The following HMGCLL1 variants were observed in gnomAD, a reference collection of about 807,000 sequenced individuals.
HMGCLL1 encodes 3-hydroxy-3-methylglutaryl-CoA lyase like 1, also known as 3-hydroxymethyl-3-methylglutaryl-CoA lyase, cytoplasmic.
In HMGCLL1, 36 loss-of-function variants were observed where a neutral mutation model predicts 39.1. The observed-to-expected ratio is 0.92, with a 90% CI of 0.71 to 1.22. The LOEUF (loss-of-function observed/expected upper bound fraction) is 1.22. Ranked by LOEUF, HMGCLL1 falls within the 50% of genes most tolerant of loss-of-function variation. HMGCLL1 has a pLI of 0.00. For synonymous variants in HMGCLL1, 149 were observed against 144.0 expected, an observed-to-expected ratio of 1.03 and a Z score of -0.25; for missense variants, 451 against 416.5, an observed-to-expected ratio of 1.08 and a Z score of -0.72.
At chr6:55,458,977 C>A (rs1489684254) in intron 7 of HMGCLL1, among the ~76,000 whole-genome samples, 1 of 152,076 alleles carries the variant, frequency 6.6e-6, no homozygotes, top group Non-Finnish European at 1.5e-5. Context: ...AAACAAAAAT[C>A]TCCTGTATTT....
At chr6:55,668,509 A>C in the HMGCLL1 span, among the ~76,000 whole-genome samples, 1 of 151,888 alleles carries the variant, frequency 6.6e-6, no homozygotes, top group African/African-American at 2.4e-5. Flanking sequence ...TTACGTAACT[A>C]TAAAACCTAG....
chr6:55,506,361 T>C (rs571814562), intron 5 of HMGCLL1, among the ~76,000 whole-genome samples: 9 of 149,342 alleles, frequency 6.0e-5, no homozygotes, highest in Non-Finnish European at 1.0e-4. Flanking sequence ...ATCCTTGGAG[T>C]AATTTTTAAT....
the HMGCLL1 span, among the ~76,000 whole-genome samples, chr6:55,668,757 G>C: frequency 2.0e-5 from 3 of 151,802 alleles, no homozygotes; most frequent in Non-Finnish European, 4.4e-5. Flanking sequence ...CCAGATCTCA[G>C]AGAAAGTAGA....
At chr6:55,517,411 T>A (rs1488986715) in intron 3 of HMGCLL1, among the ~76,000 whole-genome samples, 1 of 151,904 alleles carries the variant, frequency 6.6e-6, no homozygotes, top group Non-Finnish European at 1.5e-5. Flanking sequence ...AAATAATAAA[T>A]TGTGGCATGA....
chr6:55,475,603 A>G (rs1765250886), intron 7 of HMGCLL1, among the ~76,000 whole-genome samples: 1 of 151,718 alleles, frequency 6.6e-6, no homozygotes, highest in African/African-American at 2.4e-5. Flanking sequence ...TTACATTTGG[A>G]GCTAACATAG....
chr6:55,463,384 C>T (rs1764669297), intron 7 of HMGCLL1, among the ~76,000 whole-genome samples: 1 of 151,920 alleles, frequency 6.6e-6, no homozygotes, highest in Non-Finnish European at 1.5e-5. Flanking sequence ...GTGGCCCTTA[C>T]AATGTGAAAA....
chr6:55,451,480 G>A (rs575747206), intron 7 of HMGCLL1, among the ~76,000 whole-genome samples: 25 of 152,086 alleles, frequency 1.6e-4, no homozygotes, highest in East Asian at 7.7e-4. Context: ...AAAATTAGCC[G>A]GGCACGGTGG....
the HMGCLL1 span, among the ~76,000 whole-genome samples, chr6:55,585,564 T>C: frequency 1.3e-5 from 2 of 152,238 alleles, no homozygotes; most frequent in East Asian, 3.9e-4. Flanking sequence ...TCTTTGAAAC[T>C]GTATCAAGTA....
At chr6:55,629,472 T>C in the HMGCLL1 span, among the ~76,000 whole-genome samples, 26 of 152,134 alleles carry the variant, frequency 1.7e-4, no homozygotes, top group African/African-American at 6.0e-4. Context: ...AGCCTGACAA[T>C]GCAATAGAAA....
chr6:55,653,400 G>T, the HMGCLL1 span, among the ~76,000 whole-genome samples: 11 of 151,980 alleles, frequency 7.2e-5, no homozygotes, highest in African/African-American at 2.7e-4. Context: ...GAAAAAAATT[G>T]AAATACAAAA....
intron 7 of HMGCLL1, among the ~76,000 whole-genome samples, chr6:55,478,295 T>C (rs867256913): frequency 8.6e-5 from 13 of 151,446 alleles, no homozygotes; most frequent in Middle Eastern, 3.4e-3. Flanking sequence ...AAATGGCTCA[T>C]GAAGGAATTC....
intron 7 of HMGCLL1, among the ~76,000 whole-genome samples, chr6:55,486,123 A>G (rs987076690): frequency 2.7e-5 from 4 of 149,652 alleles, no homozygotes. Context: ...GTATATATAT[A>G]GTCTATGAAT....
At chr6:55,474,072 A>G (rs190460998) in intron 7 of HMGCLL1, among the ~76,000 whole-genome samples, 2 of 151,650 alleles carry the variant, frequency 1.3e-5, no homozygotes, top group East Asian at 3.9e-4. Flanking sequence ...TTTGAATATG[A>G]TATGCCTAGC....
intron 5 of HMGCLL1, among the ~76,000 whole-genome samples, chr6:55,504,554 A>G (rs1398487652): frequency 2.0e-5 from 3 of 151,708 alleles, no homozygotes; most frequent in Non-Finnish European, 4.4e-5. Context: ...GTCATCCCTC[A>G]GTGTTTGTGG....
chr6:55,504,692 TG>T (rs570469774), intron 5 of HMGCLL1, among the ~76,000 whole-genome samples: 156 of 151,266 alleles, frequency 1.0e-3, no homozygotes, highest in African/African-American at 3.6e-3. Flanking sequence ...AAAATATTTT[TG>T]ATTCATAGTT....
the HMGCLL1 span, among the ~76,000 whole-genome samples, chr6:55,622,583 C>A: frequency 3.3e-5 from 5 of 152,040 alleles, no homozygotes. Flanking sequence ...GCATGTTGAA[C>A]CATCTTTGCA....
At chr6:55,569,302 G>A (rs1771358943) in intron 1 of HMGCLL1, among the ~76,000 whole-genome samples, 1 of 152,158 alleles carries the variant, frequency 6.6e-6, no homozygotes, top group South Asian at 2.1e-4. Flanking sequence ...CCCTTTGACA[G>A]CAGATACAGG....
rs556253553 is a variant in HMGCLL1, at chr6:55,445,524, TAGAC to T, written c.796-5969_796-5966del. ...CATATCATTGTGTGTTTGAAAATAA[TAGAC>T]AGGCCACTTAGCTAATTTTCCTATA... is the stretch of plus-strand genomic sequence containing the variant. On this transcript the variant is annotated intron_variant, in intron 7 of 8. Transcript: ENST00000274901. 3.0e-3 allele frequency among the ~76,000 whole-genome samples: 449 copies of T among 152,144 alleles called. 1 individual carries two copies. Among genetic ancestry groups the T allele is most frequent in the Non-Finnish European group, 4.3e-3 (295 of 67,938 alleles).
At chr6:55,540,813 A>G (rs566465968) in intron 3 of HMGCLL1, among the ~76,000 whole-genome samples, 4 of 152,268 alleles carry the variant, frequency 2.6e-5, no homozygotes, top group African/African-American at 9.6e-5. Context: ...CAGGGAAGGC[A>G]GCACTAGAAA....
Sources: allele counts gnomAD v4.1 joint callset (sites outside exome capture counted in the v4.1 genomes callset), GRCh38; gene constraint gnomAD v4.1.1; transcripts MANE v1.5; gene names NCBI Gene and HGNC (gene_info 2026-07-23, HGNC 2026-07-21).